ALK: variants seen among roughly 807,000 people sequenced by gnomAD.
ALK encodes ALK tyrosine kinase receptor.
ALK carries 74 observed loss-of-function variants against 163.1 expected under a neutral mutation model. That is an observed-to-expected ratio of 0.45 (90% confidence interval 0.38 to 0.55). ALK has a LOEUF of 0.55. Among genes scored for constraint, ALK ranks in the 20% least tolerant of loss-of-function variants. The pLI is 0.00. For synonymous variants in ALK, 960 were observed against 843.2 expected, an observed-to-expected ratio of 1.14 and a Z score of -2.40; for missense variants, 2,063 against 2,105.3, an observed-to-expected ratio of 0.98 and a Z score of 0.39.
chr2:29,540,658 T>C (rs962785017), intron 3 of ALK, among the ~76,000 whole-genome samples: 3 of 151,822 alleles, frequency 2.0e-5, no homozygotes, highest in African/African-American at 7.2e-5. Context: ...CCTTGTCCAT[T>C]ATTTTTGAGT....
rs540192667 is a variant in ALK at position 29,372,343 on chromosome 2, C to T, written c.1282+11389G>A. Among the ~76,000 whole-genome samples the T allele has an allele frequency of 1.2e-4, 18 of 152,330 alleles. No homozygotes were observed. The South Asian group carries it at 3.7e-3, about 32-fold the overall frequency. ...AGAGCTGAGTCATCTAGTCCTTCTT[C>T]CAGGGGATGCCATTTCACTTCACCG... On this transcript the variant is annotated intron_variant, in intron 5 of 28. Transcript: ENST00000389048.
chr2:29,901,766 G>C (rs193179474), intron 1 of ALK, among the ~76,000 whole-genome samples: 10 of 152,152 alleles, frequency 6.6e-5, no homozygotes, highest in Admixed American at 1.3e-4. Flanking sequence ...TTGGAGAGGG[G>C]GTCAGGAAGA....
In ALK at chr2:29,444,705, A is replaced by G. The variant is rs144327908; in HGVS notation, c.1155-60846T>C. 9.5e-3 allele frequency among the ~76,000 whole-genome samples: 1,452 copies of G among 152,314 alleles called. 22 individuals carry two copies. Among genetic ancestry groups the G allele is most frequent in the African/African-American group, 0.033 (1,372 of 41,554 alleles). ...TTTAAACCATTTTATTAAACTCAAA[A>G]GTTCATTTTTTTCTTCTGATTTTTC... On this transcript the variant is annotated intron_variant, in intron 4 of 28. Transcript: ENST00000389048.
intron 1 of ALK, among the ~76,000 whole-genome samples, chr2:29,777,860 C>G (rs1392526938): frequency 2.0e-5 from 3 of 152,144 alleles, no homozygotes; most frequent in Admixed American, 6.5e-5. Context: ...TGAGCTCACC[C>G]CAGAACGATC....
chr2:29,906,144 G>T (rs75217825), intron 1 of ALK, among the ~76,000 whole-genome samples: 2,957 of 152,058 alleles, frequency 0.019, 109 homozygotes, highest in African/African-American at 0.068. Flanking sequence ...GGGCAGGGGG[G>T]AAGAAGCAGG....
chr2:29,873,700 A>G (rs1045720415), intron 1 of ALK, among the ~76,000 whole-genome samples: 1 of 152,150 alleles, frequency 6.6e-6, no homozygotes, highest in African/African-American at 2.4e-5. Flanking sequence ...CAGATGCCTC[A>G]TCGTGGCCTC....
chr2:29,808,013 T>A (rs1178082129), intron 1 of ALK, among the ~76,000 whole-genome samples: 1 of 152,246 alleles, frequency 6.6e-6, no homozygotes, highest in African/African-American at 2.4e-5. Context: ...TTAGAGACTT[T>A]GATTTGGCCA....
At chr2:29,857,519 C>T (rs1026411159) in intron 1 of ALK, among the ~76,000 whole-genome samples, 3 of 152,122 alleles carry the variant, frequency 2.0e-5, no homozygotes, top group Non-Finnish European at 2.9e-5. Flanking sequence ...GCACAGGTGA[C>T]GGGCGGGAGA....
intron 1 of ALK, among the ~76,000 whole-genome samples, chr2:29,889,657 G>C (rs1452254720): frequency 6.8e-6 from 1 of 147,318 alleles, no homozygotes; most frequent in East Asian, 2.1e-4. Flanking sequence ...GTACTGTTGT[G>C]GAATATCTAT....
At chr2:29,864,671 G>T (rs11127242) in intron 1 of ALK, among the ~76,000 whole-genome samples, 120,285 of 152,174 alleles carry the variant, frequency 0.79, 47,775 homozygotes, top group Non-Finnish European at 0.83. Flanking sequence ...ATTGTCTCAT[G>T]TAATCATGGG....
At chr2:29,436,109 G>A (rs568581920) in intron 4 of ALK, among the ~76,000 whole-genome samples, 11 of 152,064 alleles carry the variant, frequency 7.2e-5, no homozygotes, top group African/African-American at 2.7e-4. Context: ...TTAAGATTTG[G>A]GTCTTTACCC....
chr2:29,265,007 GTT>G (rs997620806), intron 11 of ALK, among the ~76,000 whole-genome samples: 1 of 146,062 alleles, frequency 6.8e-6, no homozygotes, highest in African/African-American at 2.5e-5. Context: ...AGGGTGCCCT[GTT>G]TTTTTTTTGT....
intron 5 of ALK, among the ~76,000 whole-genome samples, chr2:29,360,049 A>G (rs7591988): frequency 0.88 from 134,643 of 152,242 alleles, 59,678 homozygotes; most frequent in East Asian, 1. Flanking sequence ...GGCTATCTAG[A>G]ACCTTTTTCT....
At chr2:29,481,414 A>T (rs1228025453) in intron 4 of ALK, among the ~76,000 whole-genome samples, 1 of 152,248 alleles carries the variant, frequency 6.6e-6, no homozygotes, top group Non-Finnish European at 1.5e-5. Context: ...TGGAAACTAC[A>T]AGCTCCCATA....
At chr2:29,292,630 T>C (rs2148228031) in intron 9 of ALK, among the ~76,000 whole-genome samples, 1 of 152,350 alleles carries the variant, frequency 6.6e-6, no homozygotes, top group Middle Eastern at 3.4e-3. Context: ...ATTGGTGTTG[T>C]CCTTCAAAAT....
intron 5 of ALK, among the ~76,000 whole-genome samples, chr2:29,345,241 A>G (rs1304640277): frequency 1.3e-5 from 2 of 151,716 alleles, no homozygotes; most frequent in Admixed American, 6.6e-5. Context: ...TAAAAATACA[A>G]AAAAATTAGC....
At position 29,227,754 on chromosome 2, in the gene ALK, A is replaced by G; in HGVS notation, c.2816-82T>C. 8.8e-7 allele frequency: 1 copy of G among 1,140,434 alleles called. No homozygotes were observed. Among genetic ancestry groups the G allele is most frequent in the South Asian group, 1.3e-5 (1 of 79,736 alleles). The allele number at this position is 1,140,434 out of a possible 1,614,324, so 70.6% of individuals were successfully genotyped here. A position where few individuals can be genotyped will look rare whatever the true frequency, so the allele number is the denominator to read the frequency against. On this transcript the variant is annotated intron_variant, in intron 16 of 28. Transcript: ENST00000389048. The surrounding 1 kb of genome is among the most constrained non-coding windows in gnomAD (Gnocchi z 4.4). The stretch of plus-strand genomic sequence containing the variant: ...ACACACACACGTCAGTGGGGCATGC[A>G]GCTCTGGCCAAAGTTAGGGGGTCAC...
intron 1 of ALK, among the ~76,000 whole-genome samples, chr2:29,810,162 G>C (rs187243176): frequency 2.0e-4 from 31 of 152,200 alleles, no homozygotes; most frequent in African/African-American, 7.0e-4. Flanking sequence ...TGGCTCATGT[G>C]TGTAATCCCA....
In ALK at chr2:29,193,590, G is replaced by A. The variant is rs2148138103; in HGVS notation, c.4497C>T (p.Pro1499=). The change falls in exon 29 of 29, where the codon CCC becomes CCT. Residue 1499 remains proline, a synonymous_variant. Coordinates refer to ENST00000389048, the MANE Select transcript of ALK (RefSeq NM_004304.5). ...LHKVHGSRNK[P]TSLWNPTYGS... ...CGTACGTTGGGTTCCACAAGCTGGT[G>A]GGCTTGTTTCTGGATCCGTGGACCT... The A allele has an allele frequency of 6.2e-7, 1 of 1,614,212 alleles. No individual in the cohort carries two copies. The highest frequency in any genetic ancestry group is 8.5e-7 in the Non-Finnish European group (1 of 1,180,024).
Sources: gnomAD v4.1 joint callset for allele counts (sites outside exome capture counted in the v4.1 genomes callset) on GRCh38, gnomAD v4.1.1 for gene constraint, Gnocchi (gnomAD v3.1) non-coding constraint, MANE v1.5 for transcripts, NCBI Gene and HGNC (gene_info 2026-07-23, HGNC 2026-07-21) for gene names.